The following BCAS4 variants were observed in gnomAD, a reference collection of about 807,000 sequenced individuals.
BCAS4 encodes the protein breast carcinoma-amplified sequence 4.
BCAS4 carries 9 observed loss-of-function variants against 15.7 expected under a neutral mutation model. That is an observed-to-expected ratio of 0.57 (90% CI 0.34 to 1.00). The LOEUF (loss-of-function observed/expected upper bound fraction) is 1.00. Ranked by LOEUF, BCAS4 falls within the 50% of genes least tolerant of loss-of-function variation. The probability of loss-of-function intolerance (pLI) is 0.02; values close to 1 mark genes in which losing one functional copy is unlikely to be tolerated. For missense variants in BCAS4, 225 were observed against 239.1 expected (o/e 0.94, Z 0.39); for synonymous variants, 101 against 99.5 (o/e 1.02, Z -0.09).
intron 1 of BCAS4, among the ~76,000 whole-genome samples, chr20:50,810,198 C>T (rs1352118536): frequency 2.6e-5 from 4 of 151,448 alleles, no homozygotes; most frequent in Admixed American, 1.3e-4. Context: ...CCTGAACTTC[C>T]TTATGTGGCT....
intron 2 of BCAS4, among the ~76,000 whole-genome samples, chr20:50,821,741 G>A (rs2088219288): frequency 6.6e-6 from 1 of 152,116 alleles, no homozygotes; most frequent in South Asian, 2.1e-4. Context: ...ATAAAATTAG[G>A]CTGTTAGAAA....
intron 4 of BCAS4, among the ~76,000 whole-genome samples, chr20:50,863,192 A>G (rs1216078508): frequency 7.4e-6 from 1 of 135,080 alleles, no homozygotes; most frequent in Non-Finnish European, 1.6e-5. Context: ...TTAGAGTAGT[A>G]TTTGTGCAAC....
At position 50,844,757 on chromosome 20, in the gene BCAS4, G is replaced by A. The variant is rs546974156; in HGVS notation, c.399+2857G>A. On this transcript the variant is annotated intron_variant, in intron 4 of 4. Coordinates refer to ENST00000371608, the MANE Select transcript of BCAS4 (RefSeq NM_198799.4). ...CTGCAGGGATGTGGCATCCCCCCCC[G>A]GGGTGTGGCTGGGGCATGCTGGGAC... Among the ~76,000 whole-genome samples the A allele has an allele frequency of 3.9e-5, 6 of 152,188 alleles. No homozygotes were observed. In the South Asian group the frequency reaches 8.3e-4, roughly 21 times the overall value.
intron 4 of BCAS4, among the ~76,000 whole-genome samples, chr20:50,843,974 T>C (rs2088513373): frequency 6.6e-6 from 1 of 151,980 alleles, no homozygotes; most frequent in Admixed American, 6.6e-5. Flanking sequence ...CAAAACCCCA[T>C]TTATACAAAA....
chr20:50,810,694 C>T (rs934279660), intron 1 of BCAS4, among the ~76,000 whole-genome samples: 1 of 151,646 alleles, frequency 6.6e-6, no homozygotes, highest in Admixed American at 6.6e-5. Context: ...GGGTTCACGC[C>T]GTTTTCCTGG....
chr20:50,868,236 C>T (rs1451781843), intron 4 of BCAS4, among the ~76,000 whole-genome samples: 3 of 152,188 alleles, frequency 2.0e-5, no homozygotes, highest in Non-Finnish European at 4.4e-5. Context: ...CTCCACTGTG[C>T]AGTTTCTTTC....
chr20:50,800,759 G>C (rs896034042), intron 1 of BCAS4, among the ~76,000 whole-genome samples: 1 of 151,790 alleles, frequency 6.6e-6, no homozygotes, highest in African/African-American at 2.4e-5. Flanking sequence ...ACAGAGTTTC[G>C]CCATGTTGGC....
intron 4 of BCAS4, among the ~76,000 whole-genome samples, chr20:50,848,067 CAG>C (rs2088568972): frequency 6.6e-6 from 1 of 151,474 alleles, no homozygotes; most frequent in African/African-American, 2.4e-5. Context: ...CAAAAAAAAA[CAG>C]AAAATTCAGT....
chr20:50,856,595 G>C (rs2123829393), intron 4 of BCAS4, among the ~76,000 whole-genome samples: 1 of 152,306 alleles, frequency 6.6e-6, no homozygotes, highest in Middle Eastern at 3.4e-3. Flanking sequence ...TGTCCCTTTT[G>C]TGTCTGGTAG....
At chr20:50,861,024 G>A (rs904574311) in intron 4 of BCAS4, among the ~76,000 whole-genome samples, 9 of 151,290 alleles carry the variant, frequency 5.9e-5, no homozygotes, top group Admixed American at 5.3e-4. Flanking sequence ...GTCTGGATAC[G>A]TTTGCAGGCA....
At chr20:50,794,934 C>A (rs1278379413), upstream of BCAS4, 4 of 1,134,692 alleles carry the variant, frequency 3.5e-6, no homozygotes, top group Non-Finnish European at 4.4e-6. Context: ...GCTCCTGGAG[C>A]TGCGAGCCGC....
At chr20:50,806,160 C>T (rs2087987295) in intron 1 of BCAS4, among the ~76,000 whole-genome samples, 1 of 152,146 alleles carries the variant, frequency 6.6e-6, no homozygotes, top group Non-Finnish European at 1.5e-5. Flanking sequence ...AAGCGACTTA[C>T]TAGACTTCCT....
At chr20:50,868,516 G>A (rs964538849) in intron 4 of BCAS4, among the ~76,000 whole-genome samples, 9 of 152,112 alleles carry the variant, frequency 5.9e-5, no homozygotes, top group Admixed American at 5.9e-4. Flanking sequence ...TCGACCTCCA[G>A]GGCTCAAGCG....
intron 2 of BCAS4, among the ~76,000 whole-genome samples, chr20:50,822,672 G>T (rs2088230546): frequency 6.8e-6 from 1 of 146,666 alleles, no homozygotes; most frequent in South Asian, 2.1e-4. Context: ...GTCTCACTCT[G>T]TTGCCCAGGC....
intron 2 of BCAS4, among the ~76,000 whole-genome samples, chr20:50,821,145 C>T (rs999591917): frequency 6.6e-6 from 1 of 152,160 alleles, no homozygotes; most frequent in South Asian, 2.1e-4. Context: ...ACAGCCGCCA[C>T]GTGCTTGTGT....
At chr20:50,848,208 A>C (rs960938141) in intron 4 of BCAS4, among the ~76,000 whole-genome samples, 1 of 152,096 alleles carries the variant, frequency 6.6e-6, no homozygotes, top group African/African-American at 2.4e-5. Flanking sequence ...GTGAGTCGAG[A>C]TTGCACCACT....
At chr20:50,868,508 G>A (rs1157781517) in intron 4 of BCAS4, among the ~76,000 whole-genome samples, 1 of 152,012 alleles carries the variant, frequency 6.6e-6, no homozygotes, top group African/African-American at 2.4e-5. Context: ...CTGCAGCCTC[G>A]ACCTCCAGGG....
At chr20:50,818,087 G>A in intron 1 of BCAS4, 124 bp from the exon 2 acceptor site, 1 of 842,560 alleles carries the variant, frequency 1.2e-6, no homozygotes, top group Non-Finnish European at 1.9e-6. Flanking sequence ...AGTGGAAGGG[G>A]GTCGAGCAGG....
chr20:50,823,050 G>A (rs1427511209), intron 2 of BCAS4, among the ~76,000 whole-genome samples: 1 of 151,900 alleles, frequency 6.6e-6, no homozygotes, highest in Non-Finnish European at 1.5e-5. Flanking sequence ...GTTCATAGAA[G>A]CCTTATTCGC....
Sources: allele counts gnomAD v4.1 joint callset (sites outside exome capture counted in the v4.1 genomes callset), GRCh38; gene constraint gnomAD v4.1.1; transcripts MANE v1.5; gene names NCBI Gene and HGNC (gene_info 2026-07-23, HGNC 2026-07-21).